USP33: variants seen among roughly 807,000 people sequenced by gnomAD.
USP33 encodes the protein ubiquitin carboxyl-terminal hydrolase 33.
Under a neutral mutation model 124.2 loss-of-function variants are expected in USP33, and 46 were observed. The observed-to-expected ratio is 0.37, with a 90% confidence interval of 0.29 to 0.47. The LOEUF (loss-of-function observed/expected upper bound fraction) is 0.47. USP33 is among the 20% of genes least tolerant of loss of function. USP33 has a pLI of 0.99. For missense variants in USP33, 851 were observed against 1,070.6 expected, an observed-to-expected ratio of 0.79 and a Z score of 2.86; for synonymous variants, 350 against 352.3, an observed-to-expected ratio of 0.99 and a Z score of 0.07.
chr1:77,758,546 T>G (rs1681020786), intron 1 of USP33, among the ~76,000 whole-genome samples: 1 of 152,220 alleles, frequency 6.6e-6, no homozygotes, highest in Admixed American at 6.5e-5. Context: ...CTATTTCTAT[T>G]ATTTTTTCAT....
At chr1:77,751,765 TGC>T (rs1483175093) in intron 1 of USP33, among the ~76,000 whole-genome samples, 1 of 151,814 alleles carries the variant, frequency 6.6e-6, no homozygotes, top group Non-Finnish European at 1.5e-5. Flanking sequence ...CTCAGCTCAC[TGC>T]AAGCTCCACC....
At chr1:77,726,140 G>C (rs1457221762) in intron 10 of USP33, among the ~76,000 whole-genome samples, 1 of 152,076 alleles carries the variant, frequency 6.6e-6, no homozygotes, top group African/African-American at 2.4e-5. Context: ...AGTAGAGATG[G>C]GGTTTCACCA....
intron 1 of USP33, among the ~76,000 whole-genome samples, chr1:77,754,190 C>G (rs1680597881): frequency 6.6e-6 from 1 of 152,146 alleles, no homozygotes; most frequent in Non-Finnish European, 1.5e-5. Flanking sequence ...ACTAAAAACT[C>G]AGAATTGAAT....
At chr1:77,711,492 A>G in intron 21 of USP33, 1 of 338,598 alleles carries the variant, frequency 3.0e-6, no homozygotes, top group Non-Finnish European at 4.9e-6. Flanking sequence ...GCACCACTGC[A>G]CTCCAGCCTG....
At chr1:77,700,517 G>C (rs574773036) in intron 22 of USP33, among the ~76,000 whole-genome samples, 1 of 152,278 alleles carries the variant, frequency 6.6e-6, no homozygotes, top group South Asian at 2.1e-4. Context: ...ATGGAGGTAG[G>C]AGGATCGCAT....
chr1:77,698,560 G>GCAT (rs962804120), intron 22 of USP33, among the ~76,000 whole-genome samples: 1 of 150,126 alleles, frequency 6.7e-6, no homozygotes, highest in Admixed American at 6.6e-5. Flanking sequence ...GAGTGCAGTG[G>GCAT]CATCATCTCG....
intron 1 of USP33, among the ~76,000 whole-genome samples, chr1:77,751,134 CAA>C (rs1027361194): frequency 2.0e-5 from 3 of 152,208 alleles, no homozygotes; most frequent in Non-Finnish European, 4.4e-5. Flanking sequence ...TTGGAAATCA[CAA>C]AGAGTGCACA....
chr1:77,709,967 T>C (rs756739064), intron 21 of USP33, among the ~76,000 whole-genome samples: 16 of 151,712 alleles, frequency 1.1e-4, no homozygotes, highest in Non-Finnish European at 1.5e-4. Context: ...ATAACTCCAA[T>C]CCAATAACAA....
intron 21 of USP33, among the ~76,000 whole-genome samples, chr1:77,710,817 G>T (rs140087282): frequency 6.6e-6 from 1 of 152,074 alleles, no homozygotes; most frequent in Non-Finnish European, 1.5e-5. Flanking sequence ...ATGAATAAAC[G>T]TGTCTCTCAA....
Position 77,720,473 on chromosome 1 carries a change from T to C in USP33, c.1691+699A>G, listed in dbSNP as rs1676456137. 5.1e-6 allele frequency: 5 copies of C among 985,334 alleles called. No homozygotes were observed. In the Admixed American group the frequency reaches 2.5e-4, roughly 48 times the overall value. The allele number at this position is 985,334 out of a possible 1,614,324, so 61.0% of individuals were successfully genotyped here. On this transcript the variant is annotated intron_variant, in intron 15 of 23. Transcript: ENST00000370794. The stretch of plus-strand genomic sequence containing the variant: ...TTTCATCTTTATCAACCAAATAGTA[T>C]ACCATTCCTTTCTGTCATGTCATGA...
chr1:77,718,033 G>A lies in USP33; in HGVS notation c.1752C>T (p.His584=), dbSNP rs751497166. 13 of 1,594,426 alleles carry A rather than the reference G, an allele frequency of 8.2e-6. No homozygotes were observed. The East Asian group carries it at 2.5e-4, about 30-fold the overall frequency. ...TTAGTTCATGTCTGAATCTTTTAAG[G>A]TGGATGCACAAAATCTAAAAAAGAA... ...VQNFPEILCI[H]LKRFRHELMF... is the part of the protein sequence containing the mutation. The change falls in exon 17 of 24, where the codon CAC becomes CAT. Residue 584 remains histidine (H), a synonymous_variant. Coordinates refer to ENST00000370794, the MANE Select transcript of USP33 (RefSeq NM_201624.3).
At chr1:77,711,236 C>A (rs936960048) in intron 21 of USP33, among the ~76,000 whole-genome samples, 7 of 151,738 alleles carry the variant, frequency 4.6e-5, no homozygotes, top group African/African-American at 1.7e-4. Context: ...AAAGCAAAAA[C>A]CCACAAAGGG....
In USP33 at chr1:77,696,195, CTT is replaced by C. The variant is rs1196754490; in HGVS notation, c.*1120_*1121del. ...GTGCATACTATATTATTCAAAAAGA[CTT>C]TATCTATTTCATTTAAAAAATCAAG... On this transcript the variant is annotated 3_prime_UTR_variant, in exon 24 of 24. Coordinates refer to ENST00000370794, the MANE Select transcript of USP33 (RefSeq NM_201624.3). 1 of 152,306 alleles carries C rather than the reference CTT, an allele frequency of 6.6e-6. No individual in the cohort carries two copies. Among genetic ancestry groups the C allele is most frequent in the African/African-American group, 2.4e-5 (1 of 41,436 alleles). 9.4% of individuals were successfully genotyped at this position (152,306 alleles called of 1,614,324 possible).
intron 22 of USP33, among the ~76,000 whole-genome samples, chr1:77,698,625 C>T (rs940903163): frequency 1.3e-5 from 2 of 151,014 alleles, no homozygotes; most frequent in East Asian, 2.0e-4. Flanking sequence ...CTCAGCCTCC[C>T]GAGTAGCTGG....
At chr1:77,727,443 CT>C (rs1677296533) in intron 10 of USP33, among the ~76,000 whole-genome samples, 1 of 152,198 alleles carries the variant, frequency 6.6e-6, no homozygotes, top group Admixed American at 6.5e-5. Context: ...TCACTAACAA[CT>C]TCTACACAAG....
Position 77,750,682 on chromosome 1 carries a change from A to AAGAG in USP33, c.-51-8935_-51-8934insCTCT, listed in dbSNP as rs1299839074. Among the ~76,000 whole-genome samples, 5 of 150,474 alleles carry AAGAG rather than the reference A, an allele frequency of 3.3e-5. No homozygotes were observed. The East Asian group carries it at 7.8e-4, about 23-fold the overall frequency. Reference sequence around the variant, plus strand: ...AAAGAAAGAAAGAAAGAAAGAAAGAAAGAAAAAGGAAAAGAATTAGTGCAT... The same window carrying AAGAG: ...AAAGAAAGAAAGAAAGAAAGAAAGAAAGAGAGAAAAAGGAAAAGAATTAGTGCAT... On this transcript the variant is annotated intron_variant, in intron 1 of 23. Transcript: ENST00000370794.
At chr1:77,729,788 C>A in intron 9 of USP33, 72 bp downstream of exon 9, 2 of 1,458,384 alleles carry the variant, frequency 1.4e-6, no homozygotes, top group East Asian at 2.3e-5. Context: ...GATAAGTAGA[C>A]CCAAAAAAAA....
intron 7 of USP33, among the ~76,000 whole-genome samples, chr1:77,732,204 T>C (rs1677906158): frequency 6.6e-6 from 1 of 152,150 alleles, no homozygotes. Flanking sequence ...TTCTTATCTG[T>C]ATAAAAATAA....
chr1:77,722,860 CTT>C (rs1239996382), intron 12 of USP33, among the ~76,000 whole-genome samples: 4 of 152,150 alleles, frequency 2.6e-5, no homozygotes, highest in Non-Finnish European at 4.4e-5. Flanking sequence ...TTAATGTATG[CTT>C]TGTTATTGTC....
Sources: allele counts gnomAD v4.1 joint callset (sites outside exome capture counted in the v4.1 genomes callset), GRCh38; gene constraint gnomAD v4.1.1; transcripts MANE v1.5; gene names NCBI Gene and HGNC (gene_info 2026-07-23, HGNC 2026-07-21).